Variants in SETBP1 observed in about 807,000 individuals in gnomAD.
The protein encoded by SETBP1 is SET binding protein 1, also known as SET-binding protein.
Under a neutral mutation model 101.0 loss-of-function variants are expected in SETBP1, and 9 were observed. The observed-to-expected ratio is 0.09, with a 90% CI of 0.05 to 0.16. The LOEUF is 0.16. SETBP1 is among the 10% of genes least tolerant of loss of function. SETBP1 has a pLI of 1.00. For synonymous variants in SETBP1, 818 were observed against 788.5 expected (o/e 1.04, Z -0.63); for missense variants, 1,858 against 2,033.8 (o/e 0.91, Z 1.66).
chr18:44,803,207 T>C (rs2144785861), intron 2 of SETBP1, among the ~76,000 whole-genome samples: 1 of 152,276 alleles, frequency 6.6e-6, no homozygotes, highest in Admixed American at 6.5e-5. Context: ...TAGCAGGCCA[T>C]TAAACTATGT....
intron 4 of SETBP1, among the ~76,000 whole-genome samples, chr18:44,967,329 G>A (rs568857843): frequency 2.6e-5 from 4 of 152,308 alleles, no homozygotes; most frequent in Admixed American, 6.5e-5. Flanking sequence ...GGACTGTCAC[G>A]GCAAGAATGT....
At chr18:44,931,534 TG>T (rs1212600323) in intron 3 of SETBP1, among the ~76,000 whole-genome samples, 2 of 152,172 alleles carry the variant, frequency 1.3e-5, no homozygotes, top group African/African-American at 4.8e-5. Flanking sequence ...ATGTTGACAG[TG>T]GGGTGTTAAA....
intron 4 of SETBP1, among the ~76,000 whole-genome samples, chr18:44,979,204 C>T (rs2072057461): frequency 6.6e-6 from 1 of 152,214 alleles, no homozygotes; most frequent in Admixed American, 6.5e-5. Context: ...CCCACCGAAT[C>T]TGCATTTGCT....
intron 2 of SETBP1, among the ~76,000 whole-genome samples, chr18:44,773,148 C>A (rs1439581222): frequency 2.6e-5 from 4 of 152,150 alleles, no homozygotes; most frequent in Non-Finnish European, 4.4e-5. Flanking sequence ...CATCTAAAAT[C>A]TACAGTAATT....
intron 2 of SETBP1, among the ~76,000 whole-genome samples, chr18:44,842,743 CCA>C (rs1459815066): frequency 1.3e-5 from 2 of 152,224 alleles, no homozygotes; most frequent in Non-Finnish European, 2.9e-5. Context: ...AAAGGAGGGA[CCA>C]CACAGTACAC....
intron 3 of SETBP1, among the ~76,000 whole-genome samples, chr18:44,885,100 C>G (rs997523304): frequency 1.3e-5 from 2 of 152,118 alleles, no homozygotes; most frequent in Non-Finnish European, 2.9e-5. Flanking sequence ...GCAAAGCTCA[C>G]CACCTTAGAT....
chr18:44,721,840 C>T (rs1250387365), intron 2 of SETBP1, among the ~76,000 whole-genome samples: 1 of 152,212 alleles, frequency 6.6e-6, no homozygotes, highest in East Asian at 1.9e-4. Flanking sequence ...TGAATTAGTT[C>T]TGGCAAATCT....
rs1208593966 is a variant in SETBP1, at chr18:44,952,243, G to A, written c.2903G>A (p.Arg968Lys). The A allele has an allele frequency of 5.0e-6, 8 of 1,614,084 alleles. 1 individual carries two copies. Among genetic ancestry groups the A allele is most frequent in the South Asian group, 2.2e-5 (2 of 91,054 alleles). The change falls in exon 4 of 6, where the codon AGA becomes AAA. Residue 968 changes from arginine (R) to lysine (K), a missense_variant. This residue lies in a region of SETBP1 where 255 missense variants were observed against 300.1 expected (regional missense o/e 0.85). Transcript: ENST00000649279. ...CTAATCACCAAGTTCCAAGTGTTCA[G>A]AATCTCCCACCGGAGTTACACCTTC... ...EELITKFQVFRISHRSYTFYH... is the reference protein window; with the variant it reads ...EELITKFQVFKISHRSYTFYH...
intron 1 of SETBP1, among the ~76,000 whole-genome samples, chr18:44,687,061 T>G (rs984127972): frequency 6.6e-6 from 1 of 152,214 alleles, no homozygotes; most frequent in East Asian, 1.9e-4. Flanking sequence ...CAAGTGCTTT[T>G]CCGCTCTTCA....
intron 5 of SETBP1, among the ~76,000 whole-genome samples, chr18:45,060,855 T>TC (rs1199225550): frequency 6.6e-6 from 1 of 151,574 alleles, no homozygotes; most frequent in Non-Finnish European, 1.5e-5. Flanking sequence ...GGTTATATTT[T>TC]CCCCAAATGA....
intron 3 of SETBP1, among the ~76,000 whole-genome samples, chr18:44,918,328 G>A (rs1375129081): frequency 6.6e-6 from 1 of 152,200 alleles, no homozygotes; most frequent in Non-Finnish European, 1.5e-5. Context: ...GAGGGGCCCA[G>A]GCTCAGCTGG....
intron 3 of SETBP1, among the ~76,000 whole-genome samples, chr18:44,915,455 G>A (rs1458505959): frequency 6.6e-6 from 1 of 152,130 alleles, no homozygotes; most frequent in Non-Finnish European, 1.5e-5. Flanking sequence ...AAACACCACG[G>A]GAATATAAGA....
chr18:44,941,694 G>A (rs1017355622), intron 3 of SETBP1, among the ~76,000 whole-genome samples: 1 of 149,414 alleles, frequency 6.7e-6, no homozygotes, highest in African/African-American at 2.4e-5. Flanking sequence ...AGTTTCTACT[G>A]CTTTCTCTTC....
At chr18:44,859,834 C>G (rs2068963677) in intron 2 of SETBP1, among the ~76,000 whole-genome samples, 1 of 152,198 alleles carries the variant, frequency 6.6e-6, no homozygotes, top group Admixed American at 6.5e-5. Context: ...ATACCTGCAA[C>G]TACAAGGTTC....
chr18:44,752,487 T>A (rs115713709), intron 2 of SETBP1, among the ~76,000 whole-genome samples: 1 of 152,312 alleles, frequency 6.6e-6, no homozygotes, highest in African/African-American at 2.4e-5. Context: ...AAATCTTTAG[T>A]TGAGTAGGGA....
At chr18:44,876,527 A>T (rs947574441) in intron 3 of SETBP1, 3 of 1,449,526 alleles carry the variant, frequency 2.1e-6, no homozygotes, top group African/African-American at 2.8e-5. Flanking sequence ...TATTTTCAGA[A>T]GCTCTCCAAA....
chr18:44,746,328 G>A (rs962530839), intron 2 of SETBP1, among the ~76,000 whole-genome samples: 4 of 152,178 alleles, frequency 2.6e-5, no homozygotes, highest in East Asian at 1.9e-4. Context: ...TAGTCATAGC[G>A]TTGCTAGCTT....
chr18:44,779,768 C>T (rs1424487490), intron 2 of SETBP1, among the ~76,000 whole-genome samples: 3 of 152,156 alleles, frequency 2.0e-5, no homozygotes, highest in South Asian at 2.1e-4. Flanking sequence ...TAATTGTCTT[C>T]CTTTTCTAGC....
chr18:45,003,340 A>C (rs1472214647), intron 4 of SETBP1, among the ~76,000 whole-genome samples: 1 of 152,230 alleles, frequency 6.6e-6, no homozygotes, highest in Non-Finnish European at 1.5e-5. Context: ...AGTGACATTT[A>C]AACAATGGCA....
Sources: gnomAD v4.1 joint callset for allele counts (sites outside exome capture counted in the v4.1 genomes callset) on GRCh38, gnomAD v4.1.1 for gene constraint, gnomAD v4.1.1 regional missense constraint, MANE v1.5 for transcripts, NCBI Gene and HGNC (gene_info 2026-07-23, HGNC 2026-07-21) for gene names.